GPR39: variants seen among roughly 807,000 people sequenced by gnomAD.
GPR39 encodes the protein G protein-coupled receptor 39.
Under a neutral mutation model 18.4 loss-of-function variants are expected in GPR39, and 23 were observed. That is an observed-to-expected ratio of 1.25 (90% CI 0.90 to 1.77). The LOEUF (loss-of-function observed/expected upper bound fraction) is 1.77, where lower values mean the gene tolerates loss of function less well. GPR39 is among the 40% of genes most tolerant of loss of function. The pLI is 0.00. For missense variants in GPR39, 647 were observed against 602.4 expected, an observed-to-expected ratio of 1.07 and a Z score of -0.78; for synonymous variants, 280 against 257.9, an observed-to-expected ratio of 1.09 and a Z score of -0.82.
At chr2:132,641,670 A>T (rs1681858818) in intron 1 of GPR39, among the ~76,000 whole-genome samples, 2 of 152,174 alleles carry the variant, frequency 1.3e-5, no homozygotes, top group African/African-American at 4.8e-5. Flanking sequence ...TTATTTTGGG[A>T]GTGTATCGGA....
intron 1 of GPR39, among the ~76,000 whole-genome samples, chr2:132,555,132 T>TA (rs1464522151): frequency 6.6e-6 from 1 of 152,030 alleles, no homozygotes; most frequent in African/African-American, 2.4e-5. Context: ...TTTGTATTTT[T>TA]AGTAGAGACG....
Position 132,417,417 on chromosome 2 carries a change from C to G in GPR39, c.375C>G (p.His125Gln), listed in dbSNP as rs777284133. The change falls in exon 1 of 2, where the codon CAC becomes CAG. Residue 125 changes from histidine (H) to glutamine (Q), a missense_variant. His to Gln is a conservative substitution (Grantham distance 24, BLOSUM62 0). Transcript: ENST00000329321. ...FEACSYATLL[H>Q]VLTLSFERYI... ...CCTGCAGCTACGCTACGCTGCTGCACGTGCTGACACTCAGCTTTGAGCGCT... is the reference window on the plus strand; with the variant it reads ...CCTGCAGCTACGCTACGCTGCTGCAGGTGCTGACACTCAGCTTTGAGCGCT... 2 of 1,614,228 alleles carry G rather than the reference C, an allele frequency of 1.2e-6. No homozygotes were observed. Among genetic ancestry groups the G allele is most frequent in the Non-Finnish European group, 1.7e-6 (2 of 1,180,044 alleles).
At chr2:132,459,391 G>T (rs550145915) in intron 1 of GPR39, among the ~76,000 whole-genome samples, 2 of 152,106 alleles carry the variant, frequency 1.3e-5, no homozygotes, top group South Asian at 4.2e-4. Flanking sequence ...TTCTTTTCTC[G>T]TTCTCTCCCT....
chr2:132,485,527 C>T (rs939544143), intron 1 of GPR39, among the ~76,000 whole-genome samples: 1 of 152,032 alleles, frequency 6.6e-6, no homozygotes, highest in Admixed American at 6.5e-5. Context: ...ATCCCTGCTG[C>T]TGCTTTATCA....
At chr2:132,530,872 A>G (rs1679609657) in intron 1 of GPR39, among the ~76,000 whole-genome samples, 1 of 152,226 alleles carries the variant, frequency 6.6e-6, no homozygotes, top group Non-Finnish European at 1.5e-5. Context: ...ATGGAAAGGA[A>G]CAACTTGTAC....
chr2:132,601,814 A>G (rs550224219), intron 1 of GPR39, among the ~76,000 whole-genome samples: 1 of 152,266 alleles, frequency 6.6e-6, no homozygotes, highest in East Asian at 1.9e-4. Context: ...AATCTCATAT[A>G]TAATAGCTAT....
chr2:132,501,054 G>GTTTTTT (rs55720929), intron 1 of GPR39, among the ~76,000 whole-genome samples: 20 of 90,264 alleles, frequency 2.2e-4, no homozygotes, highest in East Asian at 8.5e-4. Context: ...TATCTTTTGT[G>GTTTTTT]TTTTTTTTTT....
Position 132,646,345 on chromosome 2 carries a change from G to T in GPR39, c.*739G>T. On this transcript the variant is annotated 3_prime_UTR_variant, in exon 2 of 2. Transcript: ENST00000329321. ...GGCAAAAGAATAGCTGTCCCTCTCA[G>T]CCCAAATCCAAACGGACAGCTCTTC... is the stretch of plus-strand genomic sequence containing the variant. 2.6e-6 allele frequency: 3 copies of T among 1,160,050 alleles called. No homozygotes were observed. The highest frequency in any genetic ancestry group is 2.3e-6 in the Non-Finnish European group (2 of 866,996). 71.9% of individuals were successfully genotyped at this position (1,160,050 alleles called of 1,614,324 possible).
At chr2:132,644,836 C>T (rs1681964850) in intron 1 of GPR39, 2 of 431,930 alleles carry the variant, frequency 4.6e-6, no homozygotes, top group African/African-American at 4.1e-5. Context: ...AATTAACAGA[C>T]ATCAACTGGT....
chr2:132,500,048 T>A (rs1227422466), intron 1 of GPR39, among the ~76,000 whole-genome samples: 1 of 152,188 alleles, frequency 6.6e-6, no homozygotes, highest in East Asian at 1.9e-4. Flanking sequence ...TTTGACTTCC[T>A]CTTTTCTGAT....
chr2:132,538,272 G>T (rs1679795652), intron 1 of GPR39, among the ~76,000 whole-genome samples: 1 of 151,980 alleles, frequency 6.6e-6, no homozygotes, highest in Non-Finnish European at 1.5e-5. Context: ...TGTTATTGTT[G>T]CTTTGTTAGT....
chr2:132,584,475 A>G lies in GPR39; in HGVS notation c.857-60626A>G, dbSNP rs1171154077. Among the ~76,000 whole-genome samples, 3 of 152,114 alleles carry G rather than the reference A, an allele frequency of 2.0e-5. No individual in the cohort carries two copies. In the East Asian group the frequency reaches 5.8e-4, roughly 29 times the overall value. The stretch of plus-strand genomic sequence containing the variant: ...GTACAGTCACTCCCATAACTCCCTT[A>G]CTAGAAAAGCCTGGAGAGGTACCCA... On this transcript the variant is annotated intron_variant, in intron 1 of 1. Coordinates refer to ENST00000329321, the MANE Select transcript of GPR39 (RefSeq NM_001508.3).
intron 1 of GPR39, among the ~76,000 whole-genome samples, chr2:132,620,048 C>T (rs779956625): frequency 4.6e-5 from 7 of 152,188 alleles, no homozygotes; most frequent in Non-Finnish European, 8.8e-5. Context: ...CTTAGCGGGG[C>T]TTTCAAGCCT....
At chr2:132,457,960 T>A (rs1182079933) in intron 1 of GPR39, among the ~76,000 whole-genome samples, 1 of 152,236 alleles carries the variant, frequency 6.6e-6, no homozygotes, top group Non-Finnish European at 1.5e-5. Flanking sequence ...AAGAATCTCC[T>A]TGTCTGCCAG....
chr2:132,607,149 G>T (rs1681154277), intron 1 of GPR39, among the ~76,000 whole-genome samples: 1 of 152,202 alleles, frequency 6.6e-6, no homozygotes, highest in Non-Finnish European at 1.5e-5. Context: ...GGTAATTTGG[G>T]TGTCATTTGG....
chr2:132,587,606 A>G (rs778825176), intron 1 of GPR39, among the ~76,000 whole-genome samples: 8 of 152,070 alleles, frequency 5.3e-5, no homozygotes, highest in Non-Finnish European at 1.0e-4. Context: ...ATCTCAGCTC[A>G]CTGCAACCTC....
intron 1 of GPR39, among the ~76,000 whole-genome samples, chr2:132,635,341 G>A (rs1040052228): frequency 2.6e-5 from 4 of 152,172 alleles, no homozygotes; most frequent in Non-Finnish European, 5.9e-5. Context: ...TGCCCTCCTT[G>A]AATTTCTAGT....
At chr2:132,552,088 ATATC>A (rs1179996076) in intron 1 of GPR39, among the ~76,000 whole-genome samples, 2 of 152,232 alleles carry the variant, frequency 1.3e-5, no homozygotes, top group African/African-American at 4.8e-5. Flanking sequence ...GGAAAAAAAT[ATATC>A]TATACTGAAT....
At position 132,531,123 on chromosome 2, in the gene GPR39, G is replaced by C. The variant is rs543391202; in HGVS notation, c.856+113225G>C. Among the ~76,000 whole-genome samples, 172 of 152,228 alleles carry C rather than the reference G, an allele frequency of 1.1e-3. 1 individual carries two copies. The highest frequency in any genetic ancestry group is 4.0e-3 in the African/African-American group (166 of 41,544). ...TCAGGAAACCCATCTCACCTGCAGA[G>C]ACACATATAGGCTCAAAATAAAGGG... On this transcript the variant is annotated intron_variant, in intron 1 of 1. Transcript: ENST00000329321.
Sources: allele counts gnomAD v4.1 joint callset (sites outside exome capture counted in the v4.1 genomes callset), GRCh38; gene constraint gnomAD v4.1.1; transcripts MANE v1.5; gene names NCBI Gene and HGNC (gene_info 2026-07-23, HGNC 2026-07-21).